Variants in AGBL4 observed in about 807,000 individuals in gnomAD.
AGBL4 encodes AGBL carboxypeptidase 4, also known as cytosolic carboxypeptidase 6.
A neutral mutation model predicts 66.4 loss-of-function variants in AGBL4; 58 were observed. The observed-to-expected ratio is 0.87, with a 90% CI of 0.71 to 1.09. The LOEUF (loss-of-function observed/expected upper bound fraction) is 1.09. AGBL4 is among the 50% of genes least tolerant of loss of function. The pLI is 0.00. For missense variants in AGBL4, 579 were observed against 631.0 expected (o/e 0.92, Z 0.88); for synonymous variants, 234 against 222.9 (o/e 1.05, Z -0.44).
intron 6 of AGBL4, among the ~76,000 whole-genome samples, chr1:48,854,960 G>A (rs1286411325): frequency 1.3e-5 from 2 of 152,192 alleles, no homozygotes; most frequent in African/African-American, 4.8e-5. Context: ...AGATGCACAA[G>A]ATGTCAGATT....
chr1:48,629,472 CA>C, intron 9 of AGBL4, among the ~76,000 whole-genome samples: 1 of 152,238 alleles, frequency 6.6e-6, no homozygotes, highest in South Asian at 2.1e-4. Context: ...TGGCTCCCAC[CA>C]GTTCTAAAAC....
chr1:49,441,687 T>A (rs1248677851), intron 3 of AGBL4, among the ~76,000 whole-genome samples: 1 of 152,198 alleles, frequency 6.6e-6, no homozygotes, highest in African/African-American at 2.4e-5. Flanking sequence ...GGAACCACAG[T>A]CACTCAACTT....
At chr1:49,810,176 A>G (rs1645065903) in intron 2 of AGBL4, among the ~76,000 whole-genome samples, 1 of 152,128 alleles carries the variant, frequency 6.6e-6, no homozygotes, top group African/African-American at 2.4e-5. Context: ...ACCAGACACA[A>G]AGTCACACAA....
At chr1:49,376,911 G>T (rs749356860) in intron 3 of AGBL4, among the ~76,000 whole-genome samples, 10 of 152,098 alleles carry the variant, frequency 6.6e-5, no homozygotes, top group Non-Finnish European at 1.5e-4. Context: ...AATTAGAATG[G>T]TGCCCAGAAT....
At chr1:48,559,797 C>A (rs1472002279) in intron 11 of AGBL4, among the ~76,000 whole-genome samples, 1 of 152,146 alleles carries the variant, frequency 6.6e-6, no homozygotes, top group Non-Finnish European at 1.5e-5. Flanking sequence ...CTGCCCCCTC[C>A]CCTACATTCC....
At chr1:49,015,135 A>T (rs1052790873) in intron 5 of AGBL4, among the ~76,000 whole-genome samples, 23 of 152,158 alleles carry the variant, frequency 1.5e-4, no homozygotes, top group African/African-American at 5.5e-4. Context: ...GGAACTGGAC[A>T]GAACCTTATG....
chr1:49,086,405 C>T (rs1430006920), intron 4 of AGBL4, among the ~76,000 whole-genome samples: 2 of 152,070 alleles, frequency 1.3e-5, no homozygotes, highest in African/African-American at 2.4e-5. Flanking sequence ...CTCACCCACC[C>T]CTGCTGCTGG....
intron 3 of AGBL4, among the ~76,000 whole-genome samples, chr1:49,412,605 A>AAAAC (rs1172948887): frequency 6.6e-6 from 1 of 152,122 alleles, no homozygotes; most frequent in Non-Finnish European, 1.5e-5. Context: ...AAAACAAACA[A>AAAAC]AAACAAACAA....
intron 4 of AGBL4, among the ~76,000 whole-genome samples, chr1:49,064,338 G>C (rs1014227468): frequency 2.0e-5 from 3 of 152,188 alleles, no homozygotes; most frequent in African/African-American, 7.2e-5. Context: ...AGGCCTTGCT[G>C]TTCCTTGCCA....
At chr1:49,718,259 A>C (rs1571397796) in intron 2 of AGBL4, among the ~76,000 whole-genome samples, 1 of 151,984 alleles carries the variant, frequency 6.6e-6, no homozygotes, top group East Asian at 1.9e-4. Context: ...CTTACTGCTT[A>C]AAAGAGTGTA....
intron 2 of AGBL4, among the ~76,000 whole-genome samples, chr1:49,729,549 C>G (rs908438540): frequency 1.3e-5 from 2 of 151,850 alleles, no homozygotes; most frequent in Admixed American, 1.3e-4. Flanking sequence ...TGAGATTAAC[C>G]CCCCCAAAAT....
At chr1:49,727,864 CTTA>C (rs771543570) in intron 2 of AGBL4, among the ~76,000 whole-genome samples, 2 of 151,846 alleles carry the variant, frequency 1.3e-5, no homozygotes, top group Admixed American at 6.6e-5. Flanking sequence ...AACATTATGA[CTTA>C]TTATTATTAT....
chr1:48,601,041 C>T (rs1645066564), intron 9 of AGBL4, among the ~76,000 whole-genome samples: 1 of 152,106 alleles, frequency 6.6e-6, no homozygotes, highest in South Asian at 2.1e-4. Flanking sequence ...TAGACCTTCC[C>T]AGGGCAAATG....
At position 49,543,179 on chromosome 1, in the gene AGBL4, C is replaced by T. The variant is rs1055715900; in HGVS notation, c.282+154134G>A. 8.5e-5 allele frequency among the ~76,000 whole-genome samples: 13 copies of T among 152,098 alleles called. 1 individual carries two copies. Among genetic ancestry groups the T allele is most frequent in the Admixed American group, 8.5e-4 (13 of 15,274 alleles). On this transcript the variant is annotated intron_variant, in intron 3 of 13. Coordinates refer to ENST00000371839, the MANE Select transcript of AGBL4 (RefSeq NM_032785.4). ...CACCTCTAATCCATAATTCTGAGCC[C>T]TACTTGCCAAGTCAACTCTGATCTA...
chr1:48,998,783 G>A (rs761922262), intron 5 of AGBL4, among the ~76,000 whole-genome samples: 89 of 152,280 alleles, frequency 5.8e-4, no homozygotes, highest in Non-Finnish European at 1.1e-3. Flanking sequence ...AGAAATGAAC[G>A]TCATTGTTCT....
intron 3 of AGBL4, among the ~76,000 whole-genome samples, chr1:49,416,631 T>G (rs1228939756): frequency 1.3e-5 from 2 of 152,146 alleles, no homozygotes; most frequent in East Asian, 3.8e-4. Context: ...ATGTGATACT[T>G]TGGGCAAGTC....
chr1:49,486,639 C>T (rs1311650693), intron 3 of AGBL4, among the ~76,000 whole-genome samples: 9 of 152,010 alleles, frequency 5.9e-5, no homozygotes, highest in African/African-American at 2.2e-4. Flanking sequence ...CTTGGTTATG[C>T]ATTCTCCTGT....
chr1:48,846,613 T>A (rs1646923407), intron 6 of AGBL4, among the ~76,000 whole-genome samples: 1 of 152,200 alleles, frequency 6.6e-6, no homozygotes, highest in Non-Finnish European at 1.5e-5. Flanking sequence ...CTTTCTCCTC[T>A]TGGGCTCAGT....
intron 5 of AGBL4, among the ~76,000 whole-genome samples, chr1:48,944,587 T>C (rs1278111593): frequency 1.3e-5 from 2 of 152,096 alleles, no homozygotes; most frequent in Admixed American, 6.5e-5. Flanking sequence ...TAGATACAGA[T>C]TTACATTAAT....
Sources: gnomAD v4.1 joint callset for allele counts (sites outside exome capture counted in the v4.1 genomes callset) on GRCh38, gnomAD v4.1.1 for gene constraint, MANE v1.5 for transcripts, NCBI Gene and HGNC (gene_info 2026-07-23, HGNC 2026-07-21) for gene names.